The following ASTN1 variants were observed in gnomAD, a reference collection of about 807,000 sequenced individuals.
The protein encoded by ASTN1 is astrotactin 1.
ASTN1 carries 41 observed loss-of-function variants against 140.7 expected under a neutral mutation model. The observed-to-expected ratio is 0.29, with a 90% CI of 0.23 to 0.38. The LOEUF (loss-of-function observed/expected upper bound fraction) is 0.38, where lower values mean the gene tolerates loss of function less well. Ranked by LOEUF, ASTN1 falls within the 10% of genes least tolerant of loss-of-function variation. ASTN1 has a pLI of 1.00. For missense variants in ASTN1, 1,479 were observed against 1,678.8 expected, an observed-to-expected ratio of 0.88 and a Z score of 2.08; for synonymous variants, 640 against 652.2, an observed-to-expected ratio of 0.98 and a Z score of 0.29.
At chr1:177,057,275 G>A (rs957976885) in intron 2 of ASTN1, among the ~76,000 whole-genome samples, 1 of 152,174 alleles carries the variant, frequency 6.6e-6, no homozygotes, top group Non-Finnish European at 1.5e-5. Context: ...CTTTCTGCAA[G>A]CCCACAATTT....
In ASTN1 at chr1:177,029,663, T is replaced by A; in HGVS notation, c.1091A>T (p.Asp364Val). The A allele has an allele frequency of 6.2e-7, 1 of 1,613,818 alleles. No individual in the cohort carries two copies. The change falls in exon 5 of 23, where the codon GAT (aspartate) becomes GTT (valine). Residue 364 changes from aspartate to valine, a missense_variant. By Grantham distance (152) the Asp-to-Val change is radical. Coordinates refer to ENST00000361833, the MANE Select transcript of ASTN1 (RefSeq NM_004319.3). ...ENDPQLTFYT[D>V]PSRSRRRSRV... Reference sequence around the variant, plus strand: ...ACTACGCCTCCTGCTCCTTGAAGGATCCGTGTAAAAGGTCAGCTGGGGGTC... The same window carrying A: ...ACTACGCCTCCTGCTCCTTGAAGGAACCGTGTAAAAGGTCAGCTGGGGGTC...
At chr1:176,927,105 G>A (rs992972942) in intron 16 of ASTN1, among the ~76,000 whole-genome samples, 6 of 152,156 alleles carry the variant, frequency 3.9e-5, no homozygotes, top group African/African-American at 7.2e-5. Context: ...CTGATTTACC[G>A]CTGCTTAGAG....
intron 2 of ASTN1, among the ~76,000 whole-genome samples, chr1:177,054,464 T>C (rs1250233786): frequency 6.6e-6 from 1 of 152,198 alleles, no homozygotes; most frequent in African/African-American, 2.4e-5. Flanking sequence ...AAATCAGTTT[T>C]TCAGCCTCTG....
chr1:176,949,435 A>G, intron 11 of ASTN1, 84 bp from the exon 12 acceptor site: 1 of 1,400,302 alleles, frequency 7.1e-7, no homozygotes. Context: ...ACTGACACCA[A>G]TTTGTAGCAC....
chr1:177,092,958 A>C (rs1679830317), intron 1 of ASTN1, among the ~76,000 whole-genome samples: 2 of 152,174 alleles, frequency 1.3e-5, no homozygotes, highest in South Asian at 2.1e-4. Flanking sequence ...TAGGATAAAC[A>C]TGTCCTTGAC....
In ASTN1 at chr1:176,863,430, A is replaced by G. The variant is rs1668031005; in HGVS notation, c.*854T>C. Reference sequence around the variant, plus strand: ...ATATATTGGTAGGCTGGAGAAGTCTATCCAAAGGAAGCATGGTTTTTTTAA... The same window carrying G: ...ATATATTGGTAGGCTGGAGAAGTCTGTCCAAAGGAAGCATGGTTTTTTTAA... On this transcript the variant is annotated 3_prime_UTR_variant, in exon 23 of 23. Coordinates refer to ENST00000361833, the MANE Select transcript of ASTN1 (RefSeq NM_004319.3). 1.0e-6 allele frequency: 1 copy of G among 985,730 alleles called. No homozygotes were observed. Among genetic ancestry groups the G allele is most frequent in the Non-Finnish European group, 1.2e-6 (1 of 829,932 alleles). The allele number at this position is 985,730 out of a possible 1,614,324, so 61.1% of individuals were successfully genotyped here. A position where few individuals can be genotyped will look rare whatever the true frequency, so the allele number is the denominator to read the frequency against.
At chr1:176,866,831 T>G (rs146964541) in intron 22 of ASTN1, among the ~76,000 whole-genome samples, 74 of 152,308 alleles carry the variant, frequency 4.9e-4, no homozygotes, top group African/African-American at 1.5e-3. Context: ...CTCTGTTTGC[T>G]CAGAGGAAGT....
At chr1:177,018,125 C>T (rs1304685461) in intron 7 of ASTN1, among the ~76,000 whole-genome samples, 2 of 127,372 alleles carry the variant, frequency 1.6e-5, no homozygotes, top group Admixed American at 7.8e-5. Context: ...TTTGATCTCC[C>T]TTCCCAGCAG....
At chr1:176,900,661 T>C (rs1669729856) in intron 16 of ASTN1, among the ~76,000 whole-genome samples, 2 of 152,206 alleles carry the variant, frequency 1.3e-5, no homozygotes, top group Non-Finnish European at 2.9e-5. Context: ...TTCTTAATCT[T>C]CCTGTGTTTG....
chr1:176,985,826 T>TTC (rs147146715), intron 8 of ASTN1, among the ~76,000 whole-genome samples: 24 of 143,048 alleles, frequency 1.7e-4, no homozygotes, highest in African/African-American at 2.6e-4. Flanking sequence ...ATTTTATTGG[T>TTC]TCTCTCTCTC....
chr1:176,970,706 CTG>C (rs1673106633), intron 8 of ASTN1, among the ~76,000 whole-genome samples: 1 of 146,350 alleles, frequency 6.8e-6, no homozygotes, highest in Non-Finnish European at 1.5e-5. Context: ...ATATATGTAT[CTG>C]TGTATATATG....
At chr1:177,106,799 T>C (rs139778112) in intron 1 of ASTN1, among the ~76,000 whole-genome samples, 4 of 152,310 alleles carry the variant, frequency 2.6e-5, no homozygotes, top group African/African-American at 7.2e-5. Context: ...GTGAGGCAGA[T>C]AGGACTTATA....
intron 1 of ASTN1, among the ~76,000 whole-genome samples, chr1:177,096,965 C>T (rs1680056648): frequency 6.6e-6 from 1 of 152,068 alleles, no homozygotes; most frequent in Non-Finnish European, 1.5e-5. Flanking sequence ...AGAAATGGCC[C>T]TCACTAGACA....
chr1:177,084,615 C>T (rs899186565), intron 1 of ASTN1, among the ~76,000 whole-genome samples: 1 of 151,950 alleles, frequency 6.6e-6, no homozygotes, highest in Non-Finnish European at 1.5e-5. Flanking sequence ...CATGGTTAAC[C>T]CCTCTACCTG....
chr1:176,911,576 A>T (rs1670242758), intron 16 of ASTN1, among the ~76,000 whole-genome samples: 1 of 151,894 alleles, frequency 6.6e-6, no homozygotes, highest in African/African-American at 2.4e-5. Flanking sequence ...TTTTGTTAAA[A>T]ACGAAGACAC....
chr1:177,019,087 C>A (rs1297182913), intron 7 of ASTN1, among the ~76,000 whole-genome samples: 1 of 131,092 alleles, frequency 7.6e-6, no homozygotes, highest in Non-Finnish European at 1.8e-5. Flanking sequence ...GCAGCTTGAG[C>A]AGTGGGGACA....
intron 1 of ASTN1, among the ~76,000 whole-genome samples, chr1:177,102,661 G>A (rs921976927): frequency 6.6e-6 from 1 of 152,140 alleles, no homozygotes; most frequent in African/African-American, 2.4e-5. Flanking sequence ...GACATAATTG[G>A]GTCAGACTAC....
chr1:177,047,101 C>A (rs1677269732), intron 2 of ASTN1, among the ~76,000 whole-genome samples: 1 of 152,184 alleles, frequency 6.6e-6, no homozygotes, highest in African/African-American at 2.4e-5. Flanking sequence ...GGAGCTTACA[C>A]TCAGGGGAGA....
At chr1:177,090,669 A>T (rs1234958874) in intron 1 of ASTN1, among the ~76,000 whole-genome samples, 3 of 152,220 alleles carry the variant, frequency 2.0e-5, no homozygotes, top group Non-Finnish European at 2.9e-5. Context: ...GATGAAGGCC[A>T]CACATCTACA....
Sources: allele counts gnomAD v4.1 joint callset (sites outside exome capture counted in the v4.1 genomes callset), GRCh38; gene constraint gnomAD v4.1.1; transcripts MANE v1.5; gene names NCBI Gene and HGNC (gene_info 2026-07-23, HGNC 2026-07-21).